The following SZT2 variants were observed in gnomAD, a reference collection of about 807,000 sequenced individuals.
SZT2 encodes the protein KICSTOR complex protein SZT2.
SZT2 carries 216 observed loss-of-function variants against 404.2 expected under a neutral mutation model. The observed-to-expected ratio is 0.53, with a 90% confidence interval of 0.48 to 0.60. The LOEUF is 0.60. Ranked by LOEUF, SZT2 falls within the 20% of genes least tolerant of loss-of-function variation. SZT2 has a pLI of 0.00. For missense variants in SZT2, 3,857 were observed against 4,459.2 expected (o/e 0.86, Z 3.85); for synonymous variants, 1,693 against 1,749.9 (o/e 0.97, Z 0.81).
chr1:43,422,655 A>ACCCCCCCCCAC, intron 13 of SZT2, 23 bp downstream of exon 13: 1 of 1,095,026 alleles, frequency 9.1e-7, no homozygotes, highest in Non-Finnish European at 1.2e-6. Context: ...ATGTCCCTTC[A>ACCCCCCCCCAC]CCCCCCGCCC....
At chr1:43,436,220 C>T (rs1654443426) in intron 42 of SZT2, 1 of 152,196 alleles carries the variant, frequency 6.6e-6, no homozygotes, top group Non-Finnish European at 1.5e-5. Flanking sequence ...TTATTTTTAA[C>T]ATTCTCAGCA....
Position 43,452,800 on chromosome 1 carries a change from G to A in SZT2, c.*2320G>A, listed in dbSNP as rs995961217. 3 of 1,221,296 alleles carry A rather than the reference G, an allele frequency of 2.5e-6. No homozygotes were observed. The African/African-American group carries it at 4.5e-5, about 18-fold the overall frequency. 75.7% of individuals were successfully genotyped at this position (1,221,296 alleles called of 1,614,324 possible). On this transcript the variant is annotated 3_prime_UTR_variant, in exon 72 of 72. Coordinates refer to ENST00000634258, the MANE Select transcript of SZT2 (RefSeq NM_001365999.1). ...TCTGCAGGATTTGACATTTGAATCAGCCCCACTTTGAGCCGTCCACCTCCT... is the reference window on the plus strand; with the variant it reads ...TCTGCAGGATTTGACATTTGAATCAACCCCACTTTGAGCCGTCCACCTCCT...
intron 24 of SZT2, 44 bp from the exon 25 acceptor site, chr1:43,427,237 A>G: frequency 6.2e-7 from 1 of 1,605,342 alleles, no homozygotes; most frequent in Non-Finnish European, 8.5e-7. Context: ...GAGCTCCCTC[A>G]CTGGCCCACC....
chr1:43,401,946 A>G (rs757204199), intron 1 of SZT2, among the ~76,000 whole-genome samples: 18 of 152,184 alleles, frequency 1.2e-4, no homozygotes, highest in Non-Finnish European at 2.4e-4. Context: ...GAAAGACTAC[A>G]ACTTCACAGC....
chr1:43,442,876 A>T lies in SZT2; in HGVS notation c.8209A>T (p.Ser2737Cys), dbSNP rs373822729. 6.2e-7 allele frequency: 1 copy of T among 1,613,512 alleles called. No individual in the cohort carries two copies. Among genetic ancestry groups the T allele is most frequent in the Middle Eastern group, 1.7e-4 (1 of 6,060 alleles). ...MEVETLIRSA[S>C]PPLSREQGRL... ...AGTGGAGACCCTCATCCGGAGTGCAAGTCCCCCGCTGAGCCGTGAGCAGGG... is the reference window on the plus strand; with the variant it reads ...AGTGGAGACCCTCATCCGGAGTGCATGTCCCCCGCTGAGCCGTGAGCAGGG... Residue 2737 changes from serine (S) to cysteine (C), a missense_variant, in exon 59 of 72, where the codon AGT (serine) becomes TGT (cysteine). Coordinates refer to ENST00000634258, the MANE Select transcript of SZT2 (RefSeq NM_001365999.1). This position sits in a 1 kb window ranked among gnomAD's most constrained non-coding sequence, Gnocchi z 4.5.
chr1:43,419,054 G>A (rs951638166), intron 7 of SZT2, among the ~76,000 whole-genome samples: 3 of 152,220 alleles, frequency 2.0e-5, no homozygotes, highest in Admixed American at 6.5e-5. Flanking sequence ...ATCTGGAGCA[G>A]GTCTGCAAAC....
chr1:43,430,842 A>C (rs1187030806), intron 32 of SZT2, 53 bp downstream of exon 32: 8 of 1,586,982 alleles, frequency 5.0e-6, no homozygotes, highest in Non-Finnish European at 6.9e-6. Context: ...CAGCCTGCCT[A>C]AGTGGGAGTG....
At position 43,450,939 on chromosome 1, in the gene SZT2, T is replaced by A; in HGVS notation, c.*459T>A. On this transcript the variant is annotated 3_prime_UTR_variant, in exon 72 of 72. Transcript: ENST00000634258. The surrounding 1 kb of genome is among the most constrained non-coding windows in gnomAD (Gnocchi z 4.3). ...CATTCCCATCGAGATGACACCTGGG[T>A]TCCAATCCCAGCTCTGCCTTTGAAG... The A allele has an allele frequency of 1.3e-6, 1 of 757,098 alleles. No individual in the cohort carries two copies. The highest frequency in any genetic ancestry group is 2.4e-6 in the Non-Finnish European group (1 of 413,290). The allele number at this position is 757,098 out of a possible 1,614,324, so 46.9% of individuals were successfully genotyped here. A position where few individuals can be genotyped will look rare whatever the true frequency, so the allele number is the denominator to read the frequency against.
chr1:43,420,888 C>T lies in SZT2; in HGVS notation c.1401C>T (p.Tyr467=), dbSNP rs1652273493. 2.5e-6 allele frequency: 4 copies of T among 1,598,460 alleles called. No homozygotes were observed. Among genetic ancestry groups the T allele is most frequent in the Non-Finnish European group, 2.5e-6 (3 of 1,179,812 alleles). ...TRVEVTMEGG[Y]DILHDVSCAL... ...TGGAAGTGACGATGGAAGGCGGCTA[C>T]GACATTTTGCATGATGTGTCCTGTG... Residue 467 remains tyrosine (Y), a synonymous_variant, in exon 10 of 72, where the codon TAC becomes TAT. Coordinates refer to ENST00000634258, the MANE Select transcript of SZT2 (RefSeq NM_001365999.1). The surrounding 1 kb of genome is among the most constrained non-coding windows in gnomAD (Gnocchi z 5.1).
At chr1:43,423,002 C>T (rs1387079703) in intron 14 of SZT2, 97 bp from the exon 15 acceptor site, 7 of 1,501,732 alleles carry the variant, frequency 4.7e-6, no homozygotes, top group Non-Finnish European at 2.7e-6. Context: ...CAAGGAAGAC[C>T]TGGAGAAGAG....
At chr1:43,404,301 A>C in intron 3 of SZT2, 79 bp from the exon 4 acceptor site, 1 of 1,232,284 alleles carries the variant, frequency 8.1e-7, no homozygotes, top group South Asian at 1.4e-5. Context: ...TGTCCTACTG[A>C]CCCATGGAAG....
chr1:43,420,684 A>G lies in SZT2; in HGVS notation c.1262-65A>G. On this transcript the variant is annotated intron_variant, in intron 9 of 71. Coordinates refer to ENST00000634258, the MANE Select transcript of SZT2 (RefSeq NM_001365999.1). This position sits in a 1 kb window ranked among gnomAD's most constrained non-coding sequence, Gnocchi z 5.1. ...CATGAGGTAGGTGGGGGTTTCAGAT[A>G]GAACTCGATCCCAGGCCTAGAGTCC... The G allele has an allele frequency of 3.4e-6, 5 of 1,480,636 alleles. No individual in the cohort carries two copies. Among genetic ancestry groups the G allele is most frequent in the Non-Finnish European group, 4.6e-6 (5 of 1,084,770 alleles). The allele number at this position is 1,480,636 out of a possible 1,614,324, so 91.7% of individuals were successfully genotyped here.
chr1:43,434,942 GCTT>G (rs1425345885), intron 41 of SZT2, among the ~76,000 whole-genome samples: 2 of 152,246 alleles, frequency 1.3e-5, no homozygotes, highest in African/African-American at 4.8e-5. Flanking sequence ...ATCAGGGAAA[GCTT>G]CTTAGAGGAA....
chr1:43,446,784 G>A (rs1329770771), intron 65 of SZT2, 171 bp from the exon 66 acceptor site: 7 of 675,430 alleles, frequency 1.0e-5, no homozygotes, highest in East Asian at 2.7e-5. Context: ...TATGAAAAAG[G>A]GAGGCTAGAA....
At position 43,452,449 on chromosome 1, in the gene SZT2, C is replaced by T. The variant is rs1656548324; in HGVS notation, c.*1969C>T. 1 of 744,454 alleles carries T rather than the reference C, an allele frequency of 1.3e-6. No individual in the cohort carries two copies. Among genetic ancestry groups the T allele is most frequent in the Non-Finnish European group, 2.4e-6 (1 of 411,400 alleles). 46.1% of individuals were successfully genotyped at this position (744,454 alleles called of 1,614,324 possible). On this transcript the variant is annotated 3_prime_UTR_variant, in exon 72 of 72. Transcript: ENST00000634258. The stretch of plus-strand genomic sequence containing the variant: ...GTCCATGGCACCTGGGTCACGATGC[C>T]CAGGTATCCCAGCACTTTCAGAGAC...
intron 61 of SZT2, 28 bp downstream of exon 61, chr1:43,443,505 G>C (rs978363745): frequency 1.2e-6 from 2 of 1,613,832 alleles, no homozygotes; most frequent in African/African-American, 1.3e-5. Context: ...ACTTCTAGCA[G>C]ACCTTTGCTT....
At position 43,432,379 on chromosome 1, in the gene SZT2, T is replaced by G. The variant is rs758120772; in HGVS notation, c.5382T>G (p.Pro1794=). The G allele has an allele frequency of 1.2e-5, 20 of 1,603,524 alleles. No individual in the cohort carries two copies. In the South Asian group the frequency reaches 2.2e-4, roughly 18 times the overall value. Residue 1794 remains proline, a synonymous_variant, in exon 37 of 72, where the codon CCT becomes CCG. Transcript: ENST00000634258. ...GQQPGGSHGE[P]SSAAWAWHSH... is the part of the protein sequence containing the mutation. ...AGCCAGGTGGGTCCCATGGGGAGCCTTCTTCAGCGGCCTGGGCTTGGCACA... is the reference window on the plus strand; with the variant it reads ...AGCCAGGTGGGTCCCATGGGGAGCCGTCTTCAGCGGCCTGGGCTTGGCACA...
intron 1 of SZT2, among the ~76,000 whole-genome samples, chr1:43,393,063 A>G (rs1183473166): frequency 6.6e-6 from 1 of 152,248 alleles, no homozygotes; most frequent in African/African-American, 2.4e-5. Flanking sequence ...GTGGTTCTCA[A>G]CCTACCTTGT....
rs753130543 is a variant in SZT2, at chr1:43,425,907, A to G, written c.2887A>G (p.Lys963Glu). Residue 963 changes from lysine to glutamate, a missense_variant, in exon 20 of 72, where the codon AAG becomes GAG. Physicochemically the swap from Lys to Glu is moderately conservative, Grantham distance 56. Around this residue, in one of 7 missense-constraint regions of SZT2, gnomAD observed 1,725 missense variants for 1,881.0 expected, o/e 0.92. Coordinates refer to ENST00000634258, the MANE Select transcript of SZT2 (RefSeq NM_001365999.1). The surrounding 1 kb of genome is among the most constrained non-coding windows in gnomAD (Gnocchi z 4.3). Reference protein sequence around the residue: ...FEYLIQLCQSKEWGPLPPEPR... With the variant: ...FEYLIQLCQSEEWGPLPPEPR... ...ATACCTGATACAGCTGTGTCAGAGC[A>G]AGGAATGGGGTCCTCTGCCCCCAGA... The G allele has an allele frequency of 6.7e-5, 108 of 1,614,110 alleles. No homozygotes were observed. The East Asian group carries it at 2.4e-3, about 35-fold the overall frequency.
Sources: allele counts gnomAD v4.1 joint callset (sites outside exome capture counted in the v4.1 genomes callset), GRCh38; gene constraint gnomAD v4.1.1; regional missense constraint gnomAD v4.1.1; non-coding constraint Gnocchi (gnomAD v3.1); transcripts MANE v1.5; gene names NCBI Gene and HGNC (gene_info 2026-07-23, HGNC 2026-07-21).